Variants in MVB12B observed in about 807,000 individuals in gnomAD.
MVB12B encodes multivesicular body subunit 12B, also known as ESCRT-I complex subunit MVB12B.
Under a neutral mutation model 41.6 loss-of-function variants are expected in MVB12B, and 16 were observed. The ratio of observed to expected loss-of-function variants is 0.38; its 90% confidence interval spans 0.26 to 0.58. The LOEUF is 0.58. Ranked by LOEUF, MVB12B falls within the 20% of genes least tolerant of loss-of-function variation. The pLI is 0.62. For synonymous variants in MVB12B, 133 were observed against 139.7 expected, an observed-to-expected ratio of 0.95 and a Z score of 0.34; for missense variants, 274 against 380.2, an observed-to-expected ratio of 0.72 and a Z score of 2.32.
chr9:126,503,028 G>A, intron 9 of MVB12B, 149 bp from the exon 10 acceptor site: 1 of 726,900 alleles, frequency 1.4e-6, no homozygotes, highest in Non-Finnish European at 2.4e-6. Flanking sequence ...GGCAGGCTCT[G>A]GCTGGCACCG....
intron 2 of MVB12B, among the ~76,000 whole-genome samples, chr9:126,380,161 G>A (rs1212263880): frequency 6.6e-6 from 1 of 152,140 alleles, no homozygotes; most frequent in Admixed American, 6.5e-5. Context: ...TCAGAGGGAG[G>A]CTGAGTCAGA....
At chr9:126,390,367 G>T (rs73595637) in intron 4 of MVB12B, among the ~76,000 whole-genome samples, 231 of 152,306 alleles carry the variant, frequency 1.5e-3, no homozygotes, top group African/African-American at 5.2e-3. Context: ...TAAGTAACTT[G>T]CCTGAGGTCA....
At chr9:126,416,257 T>C (rs778150326) in intron 6 of MVB12B, among the ~76,000 whole-genome samples, 12 of 152,216 alleles carry the variant, frequency 7.9e-5, no homozygotes, top group Non-Finnish European at 1.5e-4. Flanking sequence ...TGCTCACGCA[T>C]GCCTGGTTCC....
At chr9:126,344,811 A>G (rs1422589156) in intron 2 of MVB12B, among the ~76,000 whole-genome samples, 2 of 152,192 alleles carry the variant, frequency 1.3e-5, no homozygotes, top group Admixed American at 6.5e-5. Flanking sequence ...GCATCATCCC[A>G]TGGCGGAAGT....
intron 6 of MVB12B, among the ~76,000 whole-genome samples, chr9:126,400,901 G>A (rs1423675486): frequency 6.6e-6 from 1 of 152,246 alleles, no homozygotes; most frequent in Non-Finnish European, 1.5e-5. Context: ...CCCTTTCAGA[G>A]TCTGTCAGAA....
rs1832335554 is a variant in MVB12B, at chr9:126,431,659, T to C, written c.757+9711T>C. On this transcript the variant is annotated intron_variant, in intron 7 of 9. Coordinates refer to ENST00000361171, the MANE Select transcript of MVB12B (RefSeq NM_033446.3). ...CAGAGCTTAGGCGGCACTGGTTTAA[T>C]GGGCCACATCCCCTTCTTAACTTGG... Among the ~76,000 whole-genome samples the C allele has an allele frequency of 3.3e-5, 5 of 152,304 alleles. No individual in the cohort carries two copies. In the East Asian group the frequency reaches 9.7e-4, roughly 29 times the overall value.
chr9:126,499,306 C>T (rs2119238211), intron 9 of MVB12B, among the ~76,000 whole-genome samples: 1 of 152,278 alleles, frequency 6.6e-6, no homozygotes, highest in South Asian at 2.1e-4. Context: ...CATCTCTTTC[C>T]CGAGAGAGGC....
In MVB12B at chr9:126,392,458, G is replaced by A. The variant is rs116148573; in HGVS notation, c.539+263G>A. 4.4e-3 allele frequency among the ~76,000 whole-genome samples: 675 copies of A among 152,218 alleles called. 6 individuals are homozygous for A. Among genetic ancestry groups the A allele is most frequent in the African/African-American group, 0.015 (641 of 41,522 alleles). Reference sequence around the variant, plus strand: ...TTGAAGCTCCTCTGGGTCCTTCCCCGACACCCTGTGATGCCACTGGCCTCA... The same window carrying A: ...TTGAAGCTCCTCTGGGTCCTTCCCCAACACCCTGTGATGCCACTGGCCTCA... On this transcript the variant is annotated intron_variant, in intron 5 of 9. Transcript: ENST00000361171. This position sits in a 1 kb window ranked among gnomAD's most constrained non-coding sequence, Gnocchi z 4.8.
intron 2 of MVB12B, among the ~76,000 whole-genome samples, chr9:126,343,664 C>T (rs1345157344): frequency 2.6e-5 from 4 of 152,104 alleles, no homozygotes; most frequent in Non-Finnish European, 4.4e-5. Flanking sequence ...TCCTGTAATC[C>T]CTGCACTTTG....
At chr9:126,446,784 T>A (rs984335645) in intron 7 of MVB12B, among the ~76,000 whole-genome samples, 1 of 151,938 alleles carries the variant, frequency 6.6e-6, no homozygotes, top group South Asian at 2.1e-4. Context: ...GTCATATATA[T>A]CCTGATGTTA....
chr9:126,488,287 T>C (rs1479214286), intron 9 of MVB12B, among the ~76,000 whole-genome samples: 2 of 46,424 alleles, frequency 4.3e-5, no homozygotes, highest in Admixed American at 3.6e-4. Flanking sequence ...GGTGGAGAAG[T>C]CTCTGCTCAG....
chr9:126,488,978 G>A (rs558810080), intron 9 of MVB12B, among the ~76,000 whole-genome samples: 1 of 152,334 alleles, frequency 6.6e-6, no homozygotes, highest in Admixed American at 6.5e-5. Context: ...AAGCAGAGCT[G>A]CCTCCACCCC....
intron 6 of MVB12B, among the ~76,000 whole-genome samples, chr9:126,399,077 T>TC (rs147268860): frequency 0.034 from 5,144 of 152,286 alleles, 133 homozygotes; most frequent in Non-Finnish European, 0.055. Context: ...TGCTGTGGTG[T>TC]CACCGGCTTT....
intron 1 of MVB12B, chr9:126,327,437 C>G (rs919801308): frequency 1.0e-5 from 6 of 581,564 alleles, no homozygotes; most frequent in African/African-American, 1.0e-4. Flanking sequence ...CCAACGTGCA[C>G]CTGCCCCAGG....
chr9:126,409,433 A>G (rs1048829356), intron 6 of MVB12B, among the ~76,000 whole-genome samples: 1 of 148,972 alleles, frequency 6.7e-6, no homozygotes, highest in Non-Finnish European at 1.5e-5. Context: ...CCTCTGTGAA[A>G]TGGGGATAGA....
At chr9:126,396,161 G>A (rs1163590046) in intron 6 of MVB12B, 19 of 988,454 alleles carry the variant, frequency 1.9e-5, no homozygotes, top group Admixed American at 5.9e-5. Context: ...TGGGTAGTTT[G>A]GGTATGAGAG....
At chr9:126,495,095 G>A (rs537379473) in intron 9 of MVB12B, among the ~76,000 whole-genome samples, 27 of 151,850 alleles carry the variant, frequency 1.8e-4, no homozygotes, top group Middle Eastern at 6.8e-3. Flanking sequence ...GGGAGGCCAA[G>A]GTGTGAGGAT....
intron 6 of MVB12B, among the ~76,000 whole-genome samples, chr9:126,409,528 T>C (rs1418198410): frequency 2.0e-5 from 3 of 152,178 alleles, no homozygotes; most frequent in African/African-American, 7.2e-5. Flanking sequence ...TGAGCACCCA[T>C]GCATGCTGGC....
rs1314708587 is a variant in MVB12B at position 126,386,555 on chromosome 9, TC to T, written c.313-4del. On this transcript the variant is annotated splice_polypyrimidine_tract_variant and splice_region_variant and intron_variant, in intron 3 of 9. Coordinates refer to ENST00000361171, the MANE Select transcript of MVB12B (RefSeq NM_033446.3). The surrounding 1 kb of genome is among the most constrained non-coding windows in gnomAD (Gnocchi z 4.3). ...AATAGTCTGTATCTCTTTTCTTTCTTCCCAAGAGTCATCTGGGGAACGTGTT... is the reference window on the plus strand; with the variant it reads ...AATAGTCTGTATCTCTTTTCTTTCTTCCAAGAGTCATCTGGGGAACGTGTT... The T allele has an allele frequency of 6.2e-7, 1 of 1,610,596 alleles. No homozygotes were observed. The highest frequency in any genetic ancestry group is 2.2e-5 in the East Asian group (1 of 44,874).
Sources: gnomAD v4.1 joint callset for allele counts (sites outside exome capture counted in the v4.1 genomes callset) on GRCh38, gnomAD v4.1.1 for gene constraint, Gnocchi (gnomAD v3.1) non-coding constraint, MANE v1.5 for transcripts, NCBI Gene and HGNC (gene_info 2026-07-23, HGNC 2026-07-21) for gene names.